Variants in KLF16 observed in about 807,000 individuals in gnomAD.
KLF16 encodes the protein KLF transcription factor 16.
In KLF16, 6 loss-of-function variants were observed where a neutral mutation model predicts 6.1. That is an observed-to-expected ratio of 0.98 (90% CI 0.54 to 1.93). The LOEUF (loss-of-function observed/expected upper bound fraction) is 1.93. Ranked by LOEUF, KLF16 falls within the 30% of genes most tolerant of loss-of-function variation. The pLI is 0.01. For synonymous variants in KLF16, 211 were observed against 176.5 expected (o/e 1.20, Z -1.55); for missense variants, 355 against 363.8 (o/e 0.98, Z 0.20).
intron 1 of KLF16, 83 bp downstream of exon 1, chr19:1,862,958 G>T: frequency 1.2e-6 from 1 of 848,070 alleles, no homozygotes; most frequent in Non-Finnish European, 1.5e-6. Flanking sequence ...CGCCCCCCAC[G>T]CGCCACGCAG....
In KLF16 at chr19:1,862,707, G is replaced by A. The variant is rs111489823; in HGVS notation, c.457+334C>T. 576 of 185,020 alleles carry A rather than the reference G, an allele frequency of 3.1e-3. 6 individuals are homozygous for A. The highest frequency in any genetic ancestry group is 0.013 in the African/African-American group (530 of 40,724). The allele number at this position is 185,020 out of a possible 1,614,324, so 11.5% of individuals were successfully genotyped here. A position where few individuals can be genotyped will look rare whatever the true frequency, so the allele number is the denominator to read the frequency against. Reference sequence around the variant, plus strand: ...ACCACGGTGCCCACCGCCCAGACCAGAACGCAAAAGAAAAAAAAAAAAACG... The same window carrying A: ...ACCACGGTGCCCACCGCCCAGACCAAAACGCAAAAGAAAAAAAAAAAAACG... On this transcript the variant is annotated intron_variant, in intron 1 of 1. Transcript: ENST00000250916.
rs954687991 is a variant in KLF16 at position 1,854,124 on chromosome 19, C to A, written c.*335G>T. ...CTCCCAGAAGTCCACTCCACCCCCCCAAACCCCACCCCGGGAGGGGGGCAG... is the reference window on the plus strand; with the variant it reads ...CTCCCAGAAGTCCACTCCACCCCCCAAAACCCCACCCCGGGAGGGGGGCAG... On this transcript the variant is annotated 3_prime_UTR_variant, in exon 2 of 2. Transcript: ENST00000250916. 3 of 279,320 alleles carry A rather than the reference C, an allele frequency of 1.1e-5. No homozygotes were observed. The highest frequency in any genetic ancestry group is 1.2e-4 in the South Asian group (1 of 8,518). The allele number at this position is 279,320 out of a possible 1,614,324, so 17.3% of individuals were successfully genotyped here.
chr19:1,856,781 G>A (rs1010740301), intron 1 of KLF16, among the ~76,000 whole-genome samples: 1 of 152,224 alleles, frequency 6.6e-6, no homozygotes. Flanking sequence ...GGAACATGCC[G>A]CCGTGTCGCC....
chr19:1,855,412 C>A (rs1414759672), intron 1 of KLF16, among the ~76,000 whole-genome samples: 2 of 151,852 alleles, frequency 1.3e-5, no homozygotes, highest in Non-Finnish European at 2.9e-5. Context: ...CAGGAAAGCT[C>A]ACAGGGAGGG....
rs1193512411 is a variant in KLF16 at position 1,857,774 on chromosome 19, C to A, written c.458-3014G>T. On this transcript the variant is annotated intron_variant, in intron 1 of 1. Coordinates refer to ENST00000250916, the MANE Select transcript of KLF16 (RefSeq NM_031918.4). This position sits in a 1 kb window ranked among gnomAD's most constrained non-coding sequence, Gnocchi z 4.7. ...ACAGGTGGGGAAGACCAGCCCCAGCCGCAAAGCAAGCATCCCAGGAGAGCC... is the reference window on the plus strand; with the variant it reads ...ACAGGTGGGGAAGACCAGCCCCAGCAGCAAAGCAAGCATCCCAGGAGAGCC... 1.3e-5 allele frequency among the ~76,000 whole-genome samples: 2 copies of A among 152,028 alleles called. No individual in the cohort carries two copies. Among genetic ancestry groups the A allele is most frequent in the Non-Finnish European group, 2.9e-5 (2 of 67,982 alleles).
In KLF16 at chr19:1,854,358, G is replaced by C. The variant is rs2011901824; in HGVS notation, c.*101C>G. Reference sequence around the variant, plus strand: ...GGAGGGGGGCAGGGGTGTCTTCAGGGTTTGCCCACGGCTGGAAGGGGCCCA... The same window carrying C: ...GGAGGGGGGCAGGGGTGTCTTCAGGCTTTGCCCACGGCTGGAAGGGGCCCA... On this transcript the variant is annotated 3_prime_UTR_variant, in exon 2 of 2. Transcript: ENST00000250916. The C allele has an allele frequency of 1.5e-6, 2 of 1,328,092 alleles. No homozygotes were observed. Among genetic ancestry groups the C allele is most frequent in the South Asian group, 3.7e-5 (2 of 53,472 alleles). The allele number at this position is 1,328,092 out of a possible 1,614,324, so 82.3% of individuals were successfully genotyped here.
upstream of KLF16, among the ~76,000 whole-genome samples, chr19:1,863,960 C>A: frequency 6.8e-6 from 1 of 147,128 alleles, no homozygotes; most frequent in South Asian, 2.1e-4. Context: ...GCCCCCGTAC[C>A]CTTTCCCGGA....
chr19:1,854,853 T>C (rs1041683752), intron 1 of KLF16, 93 bp from the exon 2 acceptor site: 9 of 1,388,674 alleles, frequency 6.5e-6, no homozygotes, highest in Admixed American at 6.2e-5. Context: ...GGCGGGCATT[T>C]GTCCCGTGCC....
intron 1 of KLF16, among the ~76,000 whole-genome samples, chr19:1,860,928 G>A (rs1229005643): frequency 6.6e-6 from 1 of 152,110 alleles, no homozygotes; most frequent in Non-Finnish European, 1.5e-5. Flanking sequence ...TACTGTAAAG[G>A]GGGCTTTGGA....
At chr19:1,865,740 T>A (rs2012177868), upstream of KLF16, among the ~76,000 whole-genome samples, 2 of 152,176 alleles carry the variant, frequency 1.3e-5, no homozygotes, top group South Asian at 4.1e-4. Flanking sequence ...ACCCCACCCA[T>A]GAGGCTTCTA....
upstream of KLF16, among the ~76,000 whole-genome samples, chr19:1,863,826 C>G (rs2012130662): frequency 2.1e-5 from 3 of 145,152 alleles, no homozygotes; most frequent in South Asian, 6.4e-4. Flanking sequence ...GGAACCCGCC[C>G]CCCGGCGCGC....
the KLF16 span, among the ~76,000 whole-genome samples, chr19:1,870,212 G>C: frequency 6.6e-6 from 1 of 152,094 alleles, no homozygotes; most frequent in Admixed American, 6.5e-5. Flanking sequence ...TTACAGGCGT[G>C]AGCCACCACA....
the KLF16 span, among the ~76,000 whole-genome samples, chr19:1,876,410 C>T: frequency 6.6e-6 from 1 of 152,238 alleles, no homozygotes; most frequent in Admixed American, 6.5e-5. Context: ...GGTCCTAAGC[C>T]TTCTGCCCTA....
chr19:1,864,055 C>T (rs1226957191), upstream of KLF16, among the ~76,000 whole-genome samples: 1 of 148,456 alleles, frequency 6.7e-6, no homozygotes. Flanking sequence ...GCGCCCCGCC[C>T]CATCCCGGCA....
At chr19:1,864,510 G>C (rs2012151736), upstream of KLF16, among the ~76,000 whole-genome samples, 1 of 152,154 alleles carries the variant, frequency 6.6e-6, no homozygotes, top group Admixed American at 6.5e-5. Flanking sequence ...GCCCCACTGG[G>C]GGTGGGGAGG....
intron 1 of KLF16, among the ~76,000 whole-genome samples, chr19:1,858,400 G>A (rs190003136): frequency 3.4e-4 from 52 of 152,260 alleles, no homozygotes; most frequent in African/African-American, 9.6e-4. Flanking sequence ...AGCACCCTTG[G>A]TCAGCTTCTC....
chr19:1,864,163 T>G (rs1379127210), upstream of KLF16, among the ~76,000 whole-genome samples: 1 of 148,028 alleles, frequency 6.8e-6, no homozygotes, highest in East Asian at 2.1e-4. Flanking sequence ...CCCCGGATGC[T>G]TCCCTCCTGG....
chr19:1,858,604 G>T (rs917202009), intron 1 of KLF16, among the ~76,000 whole-genome samples: 2 of 152,140 alleles, frequency 1.3e-5, no homozygotes, highest in African/African-American at 4.8e-5. Flanking sequence ...AGGGGATCAA[G>T]CTCTGGTTCC....
chr19:1,861,178 A>G (rs1179330720), intron 1 of KLF16, among the ~76,000 whole-genome samples: 2 of 151,738 alleles, frequency 1.3e-5, no homozygotes, highest in Non-Finnish European at 2.9e-5. Context: ...CTGCCCCAAT[A>G]CCCGGGGGCC....
Sources: gnomAD v4.1 joint callset for allele counts (sites outside exome capture counted in the v4.1 genomes callset) on GRCh38, gnomAD v4.1.1 for gene constraint, Gnocchi (gnomAD v3.1) non-coding constraint, MANE v1.5 for transcripts, NCBI Gene and HGNC (gene_info 2026-07-23, HGNC 2026-07-21) for gene names.